Variants in DHX33 observed in about 807,000 individuals in gnomAD.
DHX33 encodes the protein ATP-dependent RNA helicase DHX33.
Under a neutral mutation model 72.5 loss-of-function variants are expected in DHX33, and 42 were observed. The ratio of observed to expected loss-of-function variants is 0.58; its 90% CI spans 0.45 to 0.75. DHX33 has a LOEUF of 0.75. Ranked by LOEUF, DHX33 falls within the 30% of genes least tolerant of loss-of-function variation. DHX33 has a pLI of 0.00. For missense variants in DHX33, 842 were observed against 917.5 expected (o/e 0.92, Z 1.06); for synonymous variants, 358 against 366.1 (o/e 0.98, Z 0.25).
intron 8 of DHX33, among the ~76,000 whole-genome samples, chr17:5,451,784 G>C (rs1024265353): frequency 6.6e-6 from 1 of 152,120 alleles, no homozygotes. Flanking sequence ...AAAAAGCAGT[G>C]TGTTTCTCAT....
In DHX33 at chr17:5,444,467, C is replaced by T. The variant is rs150593794; in HGVS notation, c.1862G>A (p.Arg621His). The T allele has an allele frequency of 1.4e-5, 23 of 1,614,034 alleles. No homozygotes were observed. The highest frequency in any genetic ancestry group is 1.6e-4 in the Middle Eastern group (1 of 6,084). Residue 621 changes from arginine to histidine, a missense_variant, in exon 12 of 12, where the codon CGC becomes CAC. By Grantham distance (29) the Arg-to-His change is conservative (BLOSUM62 0). Transcript: ENST00000225296. The surrounding 1 kb of genome is among the most constrained non-coding windows in gnomAD (Gnocchi z 4.9). The stretch of plus-strand genomic sequence containing the variant: ...GAAGAGGCTGTGAGCCAGGCAGCGG[C>T]GGACACTCTCCACGTCTCCTCGGGA... ...ASSRGDVESV[R>H]RCLAHSLFMS...
chr17:5,451,401 A>G (rs945076171), intron 8 of DHX33, among the ~76,000 whole-genome samples: 1 of 152,170 alleles, frequency 6.6e-6, no homozygotes, highest in African/African-American at 2.4e-5. Flanking sequence ...CACCATGCCC[A>G]GCCTCAATTT....
At position 5,450,878 on chromosome 17, in the gene DHX33, C is replaced by T; in HGVS notation, c.1453G>A (p.Asp485Asn). The part of the protein sequence containing the change: ...LDLLGALEHK[D>N]DQLTLTPMGR... ...ATTGGAGTCAGGGTAAGCTGGTCATCCTTATGTTCAAGAGCACCTAACAGG... is the reference window on the plus strand; with the variant it reads ...ATTGGAGTCAGGGTAAGCTGGTCATTCTTATGTTCAAGAGCACCTAACAGG... The change falls in exon 9 of 12, where the codon GAT becomes AAT. Residue 485 changes from aspartate (D) to asparagine (N), a missense_variant. Transcript: ENST00000225296. The T allele has an allele frequency of 6.2e-7, 1 of 1,614,146 alleles. No homozygotes were observed. Among genetic ancestry groups the T allele is most frequent in the Non-Finnish European group, 8.5e-7 (1 of 1,180,020 alleles).
At chr17:5,457,683 A>G (rs892831442) in intron 4 of DHX33, among the ~76,000 whole-genome samples, 8 of 151,858 alleles carry the variant, frequency 5.3e-5, no homozygotes, top group Admixed American at 1.3e-4. Context: ...ATTTATGTAT[A>G]TATGTAAAAA....
chr17:5,444,364 C>T lies in DHX33; in HGVS notation c.1965G>A (p.Ser655=), dbSNP rs775681379. The T allele has an allele frequency of 2.0e-5, 33 of 1,614,186 alleles. No individual in the cohort carries two copies. The highest frequency in any genetic ancestry group is 1.6e-4 in the Middle Eastern group (1 of 6,062). Residue 655 remains serine (S), a synonymous_variant, in exon 12 of 12, where the codon TCG becomes TCA. Coordinates refer to ENST00000225296, the MANE Select transcript of DHX33 (RefSeq NM_020162.4). This position sits in a 1 kb window ranked among gnomAD's most constrained non-coding sequence, Gnocchi z 4.9. ...CCGGCTTGCAGTGGAAGAGGACAGA[C>T]GACGGGTGGATGGCCACTGGCTGGT... ...DTHQPVAIHP[S]SVLFHCKPAC...
intron 4 of DHX33, among the ~76,000 whole-genome samples, chr17:5,457,597 A>T (rs1372506549): frequency 3.1e-5 from 4 of 128,634 alleles, no homozygotes; most frequent in Non-Finnish European, 6.3e-5. Context: ...ACACAGTGAG[A>T]CTCCATCTCA....
rs894015356 is a variant in DHX33 at position 5,453,640 on chromosome 17, G to A, written c.1336C>T (p.Leu446Phe). 1 of 1,614,204 alleles carries A rather than the reference G, an allele frequency of 6.2e-7. No homozygotes were observed. Among genetic ancestry groups the A allele is most frequent in the Non-Finnish European group, 8.5e-7 (1 of 1,180,038 alleles). The change falls in exon 8 of 12, where the codon CTT becomes TTT. Residue 446 changes from leucine to phenylalanine, a missense_variant. Transcript: ENST00000225296. Reference sequence around the variant, plus strand: ...ACATTTGGGACTTTCATTGCTAGAAGCTGAAGCATCACACTGGCCAGGTTA... The same window carrying A: ...ACATTTGGGACTTTCATTGCTAGAAACTGAAGCATCACACTGGCCAGGTTA... The part of the protein sequence containing the change: ...RCNLASVMLQ[L>F]LAMKVPNVLT...
chr17:5,444,490 G>T lies in DHX33; in HGVS notation c.1839C>A (p.Ser613=). 1.9e-6 allele frequency: 3 copies of T among 1,613,982 alleles called. No individual in the cohort carries two copies. The highest frequency in any genetic ancestry group is 2.2e-5 in the East Asian group (1 of 44,874). Residue 613 remains serine, a synonymous_variant, in exon 12 of 12, where the codon TCC becomes TCA. Transcript: ENST00000225296. This position sits in a 1 kb window ranked among gnomAD's most constrained non-coding sequence, Gnocchi z 4.9. Reference sequence around the variant, plus strand: ...GGCGGACACTCTCCACGTCTCCTCGGGATGATGCGATTGGCATTGACATCT... The same window carrying T: ...GGCGGACACTCTCCACGTCTCCTCGTGATGATGCGATTGGCATTGACATCT... ...CLKMSMPIAS[S]RGDVESVRRC...
Position 5,456,311 on chromosome 17 carries a change from A to T in DHX33, c.850-129T>A, listed in dbSNP as rs1395215294. On this transcript the variant is annotated intron_variant, in intron 4 of 11. Coordinates refer to ENST00000225296, the MANE Select transcript of DHX33 (RefSeq NM_020162.4). ...ACTATAGAAATGTAAATGAGCCTAAAAGTTGATGTCTAGCTTGGAGAGAAC... is the reference window on the plus strand; with the variant it reads ...ACTATAGAAATGTAAATGAGCCTAATAGTTGATGTCTAGCTTGGAGAGAAC... The T allele has an allele frequency of 1.2e-5, 13 of 1,040,140 alleles. No homozygotes were observed. In the East Asian group the frequency reaches 3.4e-4, roughly 27 times the overall value. The allele number at this position is 1,040,140 out of a possible 1,614,324, so 64.4% of individuals were successfully genotyped here.
At chr17:5,461,606 C>CA (rs564057463) in intron 3 of DHX33, among the ~76,000 whole-genome samples, 60,633 of 137,226 alleles carry the variant, frequency 0.44, 14,975 homozygotes, top group African/African-American at 0.71. Context: ...TAACAGAGTG[C>CA]AAAAAAAAAA....
At chr17:5,450,151 A>C (rs8074194) in intron 10 of DHX33, 52 bp downstream of exon 10, 7 of 1,605,498 alleles carry the variant, frequency 4.4e-6, no homozygotes, top group Non-Finnish European at 6.0e-6. Context: ...AGGGAAGCAC[A>C]TAGCAGAGAC....
chr17:5,444,271 A>G lies in DHX33; in HGVS notation c.2058T>C (p.Asp686=). ...KCYMRDLCVI[D]AQWLYEAAPE... ...GGGCAGCCTCGTACAGCCACTGTGC[A>G]TCTATGACGCAGAGGTCCCGCATGT... The change falls in exon 12 of 12, where the codon GAT becomes GAC. Residue 686 remains aspartate (D), a synonymous_variant. Coordinates refer to ENST00000225296, the MANE Select transcript of DHX33 (RefSeq NM_020162.4). The surrounding 1 kb of genome is among the most constrained non-coding windows in gnomAD (Gnocchi z 4.9). The G allele has an allele frequency of 6.2e-7, 1 of 1,614,142 alleles. No individual in the cohort carries two copies. Among genetic ancestry groups the G allele is most frequent in the East Asian group, 2.2e-5 (1 of 44,880 alleles).
intron 5 of DHX33, among the ~76,000 whole-genome samples, chr17:5,455,759 C>T (rs1343197360): frequency 2.6e-5 from 4 of 152,210 alleles, no homozygotes; most frequent in African/African-American, 9.7e-5. Flanking sequence ...CACTCGTTTA[C>T]CTTGCAGCTT....
chr17:5,445,512 G>A (rs1250491278), intron 11 of DHX33, among the ~76,000 whole-genome samples: 1 of 152,214 alleles, frequency 6.6e-6, no homozygotes, highest in Admixed American at 6.5e-5. Flanking sequence ...CTCATCAGAG[G>A]AAATGTCAGT....
intron 8 of DHX33, among the ~76,000 whole-genome samples, chr17:5,451,251 G>A (rs371436611): frequency 1.3e-5 from 2 of 151,994 alleles, no homozygotes; most frequent in African/African-American, 4.8e-5. Flanking sequence ...GACCACAGGC[G>A]CCCACCACCG....
intron 4 of DHX33, 43 bp from the exon 5 acceptor site, chr17:5,456,225 T>C: frequency 6.3e-7 from 1 of 1,586,366 alleles, no homozygotes; most frequent in Non-Finnish European, 8.6e-7. Flanking sequence ...TTGATAGAAT[T>C]GCAGCTTGCA....
chr17:5,465,205 TACC>T (rs1242947742), intron 1 of DHX33, among the ~76,000 whole-genome samples: 1 of 152,202 alleles, frequency 6.6e-6, no homozygotes, highest in African/African-American at 2.4e-5. Context: ...TCCCTCTAGC[TACC>T]ACCAGGCCTC....
chr17:5,454,079 C>CG, intron 6 of DHX33, 99 bp from the exon 7 acceptor site: 2 of 1,410,610 alleles, frequency 1.4e-6, no homozygotes, highest in South Asian at 1.3e-5. Flanking sequence ...TTCAGCAACA[C>CG]GGGGGTCCAG....
intron 3 of DHX33, 40 bp from the exon 4 acceptor site, chr17:5,461,149 TG>T: frequency 6.3e-7 from 1 of 1,578,968 alleles, no homozygotes. Flanking sequence ...AAACAAATAG[TG>T]GGAAGGCCTT....
Sources: gnomAD v4.1 joint callset for allele counts (sites outside exome capture counted in the v4.1 genomes callset) on GRCh38, gnomAD v4.1.1 for gene constraint, Gnocchi (gnomAD v3.1) non-coding constraint, MANE v1.5 for transcripts, NCBI Gene and HGNC (gene_info 2026-07-23, HGNC 2026-07-21) for gene names.